The following SLIT2 variants were observed in gnomAD, a reference collection of about 807,000 sequenced individuals.
SLIT2 encodes the protein slit homolog 2 protein.
Under a neutral mutation model 185.7 loss-of-function variants are expected in SLIT2, and 41 were observed. That is an observed-to-expected ratio of 0.22 (90% CI 0.17 to 0.29). SLIT2 has a LOEUF of 0.29. Ranked by LOEUF, SLIT2 falls within the 10% of genes least tolerant of loss-of-function variation. The pLI, the probability that SLIT2 is intolerant of heterozygous loss-of-function variation, is 1.00. For synonymous variants in SLIT2, 693 were observed against 680.2 expected, an observed-to-expected ratio of 1.02 and a Z score of -0.29; for missense variants, 1,571 against 1,909.0, an observed-to-expected ratio of 0.82 and a Z score of 3.30.
intron 29 of SLIT2, among the ~76,000 whole-genome samples, chr4:20,572,349 C>T (rs1049572539): frequency 1.5e-4 from 23 of 152,106 alleles, no homozygotes; most frequent in Admixed American, 1.3e-4. Context: ...AAATTAACAT[C>T]CCTATACTAT....
At chr4:20,616,510 T>G (rs1469499877) in intron 34 of SLIT2, 1 of 160,810 alleles carries the variant, frequency 6.2e-6, no homozygotes, top group East Asian at 1.8e-4. Context: ...AGCTCCAGAC[T>G]TCCAGGAGTG....
At chr4:20,396,587 A>G (rs73238790) in intron 4 of SLIT2, among the ~76,000 whole-genome samples, 33,582 of 151,476 alleles carry the variant, frequency 0.22, 3,958 homozygotes, top group Non-Finnish European at 0.28. Context: ...TAAAAACCTA[A>G]TCTTTTTTCT....
intron 4 of SLIT2, among the ~76,000 whole-genome samples, chr4:20,321,888 G>A (rs1196463351): frequency 1.3e-5 from 2 of 152,098 alleles, no homozygotes; most frequent in Admixed American, 6.5e-5. Context: ...GTTCTCAAGT[G>A]TGGCTTTGGG....
chr4:20,496,926 C>T (rs1157869792), intron 9 of SLIT2, among the ~76,000 whole-genome samples: 1 of 152,048 alleles, frequency 6.6e-6, no homozygotes, highest in Non-Finnish European at 1.5e-5. Context: ...AATTTTTAAG[C>T]ATAAAATCAG....
At chr4:20,574,786 CAAAA>C (rs57022828) in intron 29 of SLIT2, among the ~76,000 whole-genome samples, 1 of 86,172 alleles carries the variant, frequency 1.2e-5, no homozygotes, top group South Asian at 3.9e-4. Flanking sequence ...GACTCGCTTT[CAAAA>C]AAAAAAAAAA....
chr4:20,490,719 T>C, intron 8 of SLIT2: 1 of 1,007,412 alleles, frequency 9.9e-7, no homozygotes, highest in South Asian at 1.4e-5. Context: ...TGATTGCTTT[T>C]TTAAAAAATT....
intron 33 of SLIT2, among the ~76,000 whole-genome samples, chr4:20,607,749 G>GT (rs1484764930): frequency 6.6e-6 from 1 of 152,128 alleles, no homozygotes; most frequent in Non-Finnish European, 1.5e-5. Flanking sequence ...CCATTCCTTG[G>GT]TAATATATGG....
rs1183241068 is a variant in SLIT2 at position 20,292,156 on chromosome 4, C to G, written c.395+23275C>G. Among the ~76,000 whole-genome samples, 4 of 152,026 alleles carry G rather than the reference C, an allele frequency of 2.6e-5. No homozygotes were observed. In the East Asian group the frequency reaches 7.7e-4, roughly 29 times the overall value. On this transcript the variant is annotated intron_variant, in intron 4 of 36. Coordinates refer to ENST00000504154, the MANE Select transcript of SLIT2 (RefSeq NM_004787.4). Reference sequence around the variant, plus strand: ...GTAGTTTATGATGAATTCTCTTTTCCCCATTCATTGGCTTTCTCTAAATTG... The same window carrying G: ...GTAGTTTATGATGAATTCTCTTTTCGCCATTCATTGGCTTTCTCTAAATTG...
intron 4 of SLIT2, among the ~76,000 whole-genome samples, chr4:20,332,764 T>G (rs1035293314): frequency 6.6e-6 from 1 of 152,182 alleles, no homozygotes; most frequent in Non-Finnish European, 1.5e-5. Context: ...GTTGCATGAC[T>G]GTGATTTTCA....
At chr4:20,271,271 A>G (rs1199592593) in intron 4 of SLIT2, among the ~76,000 whole-genome samples, 1 of 151,308 alleles carries the variant, frequency 6.6e-6, no homozygotes, top group Admixed American at 6.6e-5. Flanking sequence ...ATAATGGGGA[A>G]AAATGATAGG....
intron 4 of SLIT2, chr4:20,393,429 G>C (rs898037749): frequency 3.9e-5 from 6 of 152,086 alleles, no homozygotes; most frequent in African/African-American, 1.4e-4. Flanking sequence ...CTTCTGACGA[G>C]TGCTGGCATT....
intron 11 of SLIT2, among the ~76,000 whole-genome samples, chr4:20,514,739 C>T (rs576831746): frequency 1.4e-5 from 2 of 146,800 alleles, no homozygotes; most frequent in East Asian, 4.3e-4. Flanking sequence ...TTTTTTAAGG[C>T]CTCTCCTACT....
At chr4:20,335,010 T>G (rs757575953) in intron 4 of SLIT2, among the ~76,000 whole-genome samples, 27 of 152,160 alleles carry the variant, frequency 1.8e-4, no homozygotes, top group Non-Finnish European at 4.0e-4. Context: ...TTAAATAAAT[T>G]AAATACTAGA....
intron 4 of SLIT2, among the ~76,000 whole-genome samples, chr4:20,279,342 G>A (rs573119347): frequency 3.9e-5 from 6 of 152,238 alleles, no homozygotes; most frequent in East Asian, 1.9e-4. Flanking sequence ...CAGATCTACC[G>A]TATCTCAAGC....
At chr4:20,309,975 A>G (rs1214053851) in intron 4 of SLIT2, among the ~76,000 whole-genome samples, 1 of 151,786 alleles carries the variant, frequency 6.6e-6, no homozygotes, top group Non-Finnish European at 1.5e-5. Flanking sequence ...GTTAGCCAGG[A>G]TGATCTGGAT....
At chr4:20,454,707 A>C (rs1414339489) in intron 4 of SLIT2, among the ~76,000 whole-genome samples, 10 of 152,194 alleles carry the variant, frequency 6.6e-5, no homozygotes, top group Admixed American at 5.9e-4. Context: ...AGACACTTTC[A>C]CATAAAGTGA....
chr4:20,503,495 A>G (rs1340069323), intron 9 of SLIT2, among the ~76,000 whole-genome samples: 5 of 152,122 alleles, frequency 3.3e-5, no homozygotes, highest in Non-Finnish European at 7.4e-5. Flanking sequence ...AAAAATATAT[A>G]TATGAAAACA....
intron 4 of SLIT2, among the ~76,000 whole-genome samples, chr4:20,398,342 G>A (rs1251551107): frequency 6.6e-6 from 1 of 151,836 alleles, no homozygotes; most frequent in Non-Finnish European, 1.5e-5. Context: ...ACTGGCTTCA[G>A]TGGTCTTAGC....
intron 16 of SLIT2, among the ~76,000 whole-genome samples, chr4:20,529,588 A>G (rs549932880): frequency 6.6e-6 from 1 of 152,360 alleles, no homozygotes; most frequent in Admixed American, 6.5e-5. Flanking sequence ...TAAAGTAGAA[A>G]GGATAGCTTT....
Sources: allele counts gnomAD v4.1 joint callset (sites outside exome capture counted in the v4.1 genomes callset), GRCh38; gene constraint gnomAD v4.1.1; transcripts MANE v1.5; gene names NCBI Gene and HGNC (gene_info 2026-07-23, HGNC 2026-07-21).